The following MORF4L1 variants were observed in gnomAD, a reference collection of about 807,000 sequenced individuals.
MORF4L1 encodes mortality factor 4-like protein 1.
A neutral mutation model predicts 52.9 loss-of-function variants in MORF4L1; 4 were observed. The observed-to-expected ratio is 0.08, with a 90% CI of 0.04 to 0.17. The LOEUF is 0.17. Among genes scored for constraint, MORF4L1 ranks in the 10% least tolerant of loss-of-function variants. The pLI is 1.00. For missense variants in MORF4L1, 214 were observed against 390.4 expected, an observed-to-expected ratio of 0.55 and a Z score of 3.81; for synonymous variants, 123 against 134.8, an observed-to-expected ratio of 0.91 and a Z score of 0.61.
chr15:78,878,386 A>G (rs765302242), intron 2 of MORF4L1, 127 bp downstream of exon 2: 44 of 664,490 alleles, frequency 6.6e-5, no homozygotes, highest in Admixed American at 7.4e-5. Context: ...TTCGTAGTTA[A>G]TAAATTTCTT....
rs1471382112 is a variant in MORF4L1, at chr15:78,881,421, C to T, written c.155+842C>T. Among the ~76,000 whole-genome samples, 5 of 151,938 alleles carry T rather than the reference C, an allele frequency of 3.3e-5. No homozygotes were observed. In the East Asian group the frequency reaches 9.6e-4, roughly 29 times the overall value. ...CACATTGGCCAGGCTGTCTTGAACT[C>T]TTGACCTCAGGTGATCCACCCGCCT... On this transcript the variant is annotated intron_variant, in intron 3 of 11. Transcript: ENST00000426013.
chr15:78,873,123 T>A, intron 1 of MORF4L1, 66 bp downstream of exon 1: 2 of 1,540,408 alleles, frequency 1.3e-6, no homozygotes, highest in Middle Eastern at 1.8e-4. Flanking sequence ...CTCGAGGTGA[T>A]TGAGGCTTGA....
chr15:78,874,073 A>G (rs1180224031), intron 1 of MORF4L1, among the ~76,000 whole-genome samples: 2 of 152,230 alleles, frequency 1.3e-5, no homozygotes, highest in South Asian at 2.1e-4. Context: ...TCCCAGTGGA[A>G]GGCAGCTCTT....
chr15:78,878,303 GT>G, intron 2 of MORF4L1, 44 bp downstream of exon 2: 1 of 1,566,796 alleles, frequency 6.4e-7, no homozygotes, highest in Non-Finnish European at 8.7e-7. Flanking sequence ...AAAACTACTG[GT>G]TAGATCTGGC....
intron 1 of MORF4L1, among the ~76,000 whole-genome samples, chr15:78,876,948 G>T (rs904947179): frequency 5.3e-5 from 8 of 150,610 alleles, no homozygotes; most frequent in African/African-American, 2.0e-4. Context: ...AATTTTAGTG[G>T]TTTTTTTTTG....
At chr15:78,887,233 C>G (rs755145353) in intron 4 of MORF4L1, 36 bp from the exon 5 acceptor site, 2 of 1,531,826 alleles carry the variant, frequency 1.3e-6, no homozygotes, top group African/African-American at 1.4e-5. Context: ...CATAAATGCT[C>G]ATTTTATGTT....
At chr15:78,882,884 G>GACACCCCC (rs2056627805) in intron 3 of MORF4L1, among the ~76,000 whole-genome samples, 1 of 152,214 alleles carries the variant, frequency 6.6e-6, no homozygotes, top group South Asian at 2.1e-4. Context: ...AACATAGGTA[G>GACACCCCC]ACACCCCTCT....
chr15:78,884,550 A>G (rs2141469956), intron 3 of MORF4L1, among the ~76,000 whole-genome samples: 1 of 151,420 alleles, frequency 6.6e-6, no homozygotes, highest in East Asian at 2.0e-4. Context: ...GAGGCAGGAG[A>G]ATCGCTAGAA....
chr15:78,875,683 C>T (rs1003970354), intron 1 of MORF4L1, among the ~76,000 whole-genome samples: 3 of 151,508 alleles, frequency 2.0e-5, no homozygotes, highest in Non-Finnish European at 2.9e-5. Flanking sequence ...GCTACTCGGG[C>T]GGCTGAGACA....
chr15:78,893,479 G>C (rs954491510), intron 8 of MORF4L1, 60 bp from the exon 9 acceptor site: 2 of 1,125,968 alleles, frequency 1.8e-6, no homozygotes, highest in Admixed American at 3.5e-5. Context: ...AAACTTGCCT[G>C]GTATGATTTT....
intron 3 of MORF4L1, among the ~76,000 whole-genome samples, chr15:78,881,999 T>A (rs2056611246): frequency 6.6e-6 from 1 of 152,216 alleles, no homozygotes; most frequent in Admixed American, 6.5e-5. Context: ...TTAATTTTAT[T>A]TCTTTGTTAG....
intron 7 of MORF4L1, 111 bp from the exon 8 acceptor site, chr15:78,892,101 G>T: frequency 9.7e-4 from 531 of 545,762 alleles, no homozygotes; most frequent in Middle Eastern, 2.9e-3. Flanking sequence ...ACAGCTGTAT[G>T]CTTGGCTACT....
At chr15:78,892,838 G>A (rs28408315) in intron 8 of MORF4L1, 39,619 of 153,450 alleles carry the variant, frequency 0.26, 5,401 homozygotes, top group South Asian at 0.28. Context: ...GTAGGGTTAG[G>A]GATAGTTGGG....
At chr15:78,873,774 C>G (rs1309662336) in intron 1 of MORF4L1, 1 of 152,692 alleles carries the variant, frequency 6.5e-6, no homozygotes, top group Non-Finnish European at 1.5e-5. Flanking sequence ...CGTTTTCCTC[C>G]GCTTTGTGTT....
At chr15:78,873,419 G>T (rs924018508) in intron 1 of MORF4L1, among the ~76,000 whole-genome samples, 7 of 152,058 alleles carry the variant, frequency 4.6e-5, no homozygotes, top group East Asian at 1.9e-4. Flanking sequence ...GTGGCGGCGG[G>T]GGGGGAGGGG....
At chr15:78,893,426 T>C in intron 8 of MORF4L1, 113 bp from the exon 9 acceptor site, 2 of 712,202 alleles carry the variant, frequency 2.8e-6, no homozygotes, top group African/African-American at 1.8e-5. Flanking sequence ...ATAGTATCTT[T>C]CCTAATTTGA....
chr15:78,876,280 AAAC>A (rs1004053255), intron 1 of MORF4L1, among the ~76,000 whole-genome samples: 4 of 152,220 alleles, frequency 2.6e-5, no homozygotes, highest in East Asian at 1.9e-4. Flanking sequence ...GTTAAAAAAA[AAAC>A]AACTCGTAAA....
chr15:78,873,345 C>T, intron 1 of MORF4L1: 1 of 767,942 alleles, frequency 1.3e-6, no homozygotes, highest in Non-Finnish European at 1.7e-6. Flanking sequence ...GAAGAGGGCG[C>T]GGAGAGAGCA....
At chr15:78,877,006 C>G (rs1395262628) in intron 1 of MORF4L1, among the ~76,000 whole-genome samples, 1 of 151,506 alleles carries the variant, frequency 6.6e-6, no homozygotes, top group African/African-American at 2.4e-5. Context: ...GTGGTGTGAT[C>G]TCTGCTCACT....
Sources: gnomAD v4.1 joint callset for allele counts (sites outside exome capture counted in the v4.1 genomes callset) on GRCh38, gnomAD v4.1.1 for gene constraint, MANE v1.5 for transcripts, NCBI Gene and HGNC (gene_info 2026-07-23, HGNC 2026-07-21) for gene names.